TRAF3: variants seen among roughly 807,000 people sequenced by gnomAD.
The protein encoded by TRAF3 is TNF receptor-associated factor 3.
In TRAF3, 13 loss-of-function variants were observed where a neutral mutation model predicts 62.3. The ratio of observed to expected loss-of-function variants is 0.21; its 90% CI spans 0.14 to 0.33. The LOEUF (loss-of-function observed/expected upper bound fraction) is 0.33. TRAF3 is among the 10% of genes least tolerant of loss of function. The pLI is 1.00. For missense variants in TRAF3, 440 were observed against 741.8 expected, an observed-to-expected ratio of 0.59 and a Z score of 4.73; for synonymous variants, 269 against 283.4, an observed-to-expected ratio of 0.95 and a Z score of 0.51.
intron 2 of TRAF3, among the ~76,000 whole-genome samples, chr14:102,860,416 C>T (rs535757856): frequency 4.0e-4 from 61 of 152,272 alleles, no homozygotes; most frequent in Non-Finnish European, 6.9e-4. Flanking sequence ...GTGGTGCCTC[C>T]TCTGTTTTTC....
chr14:102,901,733 CT>C (rs891617094), intron 10 of TRAF3, among the ~76,000 whole-genome samples: 6 of 152,220 alleles, frequency 3.9e-5, no homozygotes, highest in Non-Finnish European at 7.3e-5. Flanking sequence ...AATAACACTG[CT>C]TTTACGCCCA....
At chr14:102,902,824 G>A (rs1049267777) in intron 10 of TRAF3, among the ~76,000 whole-genome samples, 11 of 152,148 alleles carry the variant, frequency 7.2e-5, no homozygotes, top group South Asian at 2.1e-4. Flanking sequence ...AGAAACAGGC[G>A]GGCAGGCGGC....
chr14:102,905,953 C>T lies in TRAF3; in HGVS notation c.*169C>T, dbSNP rs886668355. 8 of 594,552 alleles carry T rather than the reference C, an allele frequency of 1.3e-5. No homozygotes were observed. Among genetic ancestry groups the T allele is most frequent in the African/African-American group, 1.9e-5 (1 of 53,796 alleles). 36.8% of individuals were successfully genotyped at this position (594,552 alleles called of 1,614,324 possible). ...GAGCCACGCGTGAGCACACCTGACA[C>T]GTTTTATAATAGACTAGCCACACTT... On this transcript the variant is annotated 3_prime_UTR_variant, in exon 12 of 12. Coordinates refer to ENST00000392745, the MANE Select transcript of TRAF3 (RefSeq NM_145725.3).
At chr14:102,797,017 G>A (rs1898129487) in intron 1 of TRAF3, among the ~76,000 whole-genome samples, 1 of 152,174 alleles carries the variant, frequency 6.6e-6, no homozygotes, top group South Asian at 2.1e-4. Flanking sequence ...GACCAGCATA[G>A]GGGCCAAAGA....
intron 6 of TRAF3, among the ~76,000 whole-genome samples, chr14:102,878,743 G>A (rs1566791945): frequency 1.3e-5 from 2 of 152,190 alleles, no homozygotes; most frequent in Admixed American, 1.3e-4. Context: ...GCTGGAACTG[G>A]CAGGGCTGTG....
intron 2 of TRAF3, among the ~76,000 whole-genome samples, chr14:102,869,316 C>G (rs1304091550): frequency 1.3e-5 from 2 of 152,118 alleles, no homozygotes; most frequent in African/African-American, 2.4e-5. Flanking sequence ...CCCCTGGGCT[C>G]CAGAAGCAGG....
At chr14:102,863,031 A>G (rs975498796) in intron 2 of TRAF3, among the ~76,000 whole-genome samples, 3 of 152,122 alleles carry the variant, frequency 2.0e-5, no homozygotes, top group Non-Finnish European at 4.4e-5. Context: ...AGATTTTTGA[A>G]CATGGTTTTC....
chr14:102,845,980 CAAAAAAAAAAA>C (rs35353834), intron 2 of TRAF3, among the ~76,000 whole-genome samples: 6 of 56,848 alleles, frequency 1.1e-4, no homozygotes, highest in Non-Finnish European at 1.5e-4. Flanking sequence ...GACCGTGTCT[CAAAAAAAAAAA>C]AAAAAAAAAA....
chr14:102,860,461 G>C (rs8012367), intron 2 of TRAF3, among the ~76,000 whole-genome samples: 102,727 of 152,118 alleles, frequency 0.68, 36,378 homozygotes, highest in African/African-American at 0.9. Context: ...CTTGAATATC[G>C]ACTTTTAATT....
At chr14:102,808,060 G>A (rs2139499333) in intron 1 of TRAF3, among the ~76,000 whole-genome samples, 1 of 152,312 alleles carries the variant, frequency 6.6e-6, no homozygotes, top group East Asian at 1.9e-4. Flanking sequence ...TGGAATGCAT[G>A]GTCCAGGTGT....
Position 102,910,639 on chromosome 14 carries a change from A to G in TRAF3, c.*4855A>G, listed in dbSNP as rs995694847. On this transcript the variant is annotated 3_prime_UTR_variant, in exon 12 of 12. Coordinates refer to ENST00000392745, the MANE Select transcript of TRAF3 (RefSeq NM_145725.3). The stretch of plus-strand genomic sequence containing the variant: ...TCCACCTGATCCTGGTGTGCCCCAC[A>G]TGCGGTGGCAGGGCAGACGTGTGAA... 2.6e-5 allele frequency: 4 copies of G among 152,170 alleles called. No individual in the cohort carries two copies. Among genetic ancestry groups the G allele is most frequent in the Non-Finnish European group, 4.4e-5 (3 of 68,068 alleles). The allele number at this position is 152,170 out of a possible 1,614,324, so 9.4% of individuals were successfully genotyped here. A position where few individuals can be genotyped will look rare whatever the true frequency, so the allele number is the denominator to read the frequency against.
At chr14:102,786,437 C>T (rs1897505658) in intron 1 of TRAF3, among the ~76,000 whole-genome samples, 1 of 152,188 alleles carries the variant, frequency 6.6e-6, no homozygotes, top group African/African-American at 2.4e-5. Context: ...CTTGTAATCC[C>T]AGCACATTGG....
At chr14:102,814,614 A>T (rs908885462) in intron 1 of TRAF3, among the ~76,000 whole-genome samples, 19 of 151,910 alleles carry the variant, frequency 1.3e-4, no homozygotes, top group African/African-American at 4.6e-4. Context: ...GACCTCCTGG[A>T]CTTAGGTGAT....
At chr14:102,845,863 C>T (rs545750311) in intron 2 of TRAF3, among the ~76,000 whole-genome samples, 19 of 151,440 alleles carry the variant, frequency 1.3e-4, no homozygotes, top group Admixed American at 1.1e-3. Flanking sequence ...GCTTGTAATC[C>T]CAGCTACTGG....
intron 4 of TRAF3, among the ~76,000 whole-genome samples, chr14:102,873,223 C>G (rs1888444445): frequency 1.3e-5 from 2 of 152,194 alleles, no homozygotes; most frequent in African/African-American, 4.8e-5. Flanking sequence ...GCCAGGCACA[C>G]AGGCATCCAG....
chr14:102,904,728 T>G (rs1214342732), intron 11 of TRAF3, among the ~76,000 whole-genome samples: 1 of 148,876 alleles, frequency 6.7e-6, no homozygotes, highest in East Asian at 2.0e-4. Context: ...GAGAATGGTG[T>G]GAACCCGGGA....
intron 1 of TRAF3, among the ~76,000 whole-genome samples, chr14:102,813,573 C>T (rs888822448): frequency 1.3e-5 from 2 of 151,910 alleles, no homozygotes; most frequent in South Asian, 2.1e-4. Flanking sequence ...GCCTCAACCT[C>T]TTGAGTAGCT....
chr14:102,875,540 T>TA (rs1888595463), intron 4 of TRAF3, 84 bp from the exon 5 acceptor site: 7 of 1,156,284 alleles, frequency 6.1e-6, no homozygotes, highest in East Asian at 2.4e-5. Flanking sequence ...TTTTTTTTTT[T>TA]AAGTGGTTTT....
intron 10 of TRAF3, among the ~76,000 whole-genome samples, chr14:102,899,439 A>T (rs533891304): frequency 1.3e-5 from 2 of 152,258 alleles, no homozygotes; most frequent in South Asian, 4.1e-4. Context: ...GGAAGGGTTT[A>T]TCGTAAAATC....
Sources: gnomAD v4.1 joint callset for allele counts (sites outside exome capture counted in the v4.1 genomes callset) on GRCh38, gnomAD v4.1.1 for gene constraint, MANE v1.5 for transcripts, NCBI Gene and HGNC (gene_info 2026-07-23, HGNC 2026-07-21) for gene names.